NSL1: variants seen among roughly 807,000 people sequenced by gnomAD.
NSL1 encodes the protein kinetochore-associated protein NSL1 homolog.
In NSL1, 11 loss-of-function variants were observed where a neutral mutation model predicts 25.4. That is an observed-to-expected ratio of 0.43 (90% confidence interval 0.27 to 0.72). NSL1 has a LOEUF of 0.72. Ranked by LOEUF, NSL1 falls within the 30% of genes least tolerant of loss-of-function variation. The pLI is 0.19. For missense variants in NSL1, 330 were observed against 342.7 expected, an observed-to-expected ratio of 0.96 and a Z score of 0.29; for synonymous variants, 118 against 120.6, an observed-to-expected ratio of 0.98 and a Z score of 0.14.
chr1:212,772,997 C>T (rs1044159529), intron 4 of NSL1, among the ~76,000 whole-genome samples: 2 of 152,084 alleles, frequency 1.3e-5, no homozygotes, highest in Non-Finnish European at 2.9e-5. Context: ...TCCATATGCA[C>T]AAGAATAAAA....
At position 212,728,780 on chromosome 1, in the gene NSL1, C is replaced by T; in HGVS notation, c.*9628G>A. On this transcript the variant is annotated 3_prime_UTR_variant, in exon 6 of 6. Transcript: ENST00000366977. Reference sequence around the variant, plus strand: ...TGTTGCCACATCTCGCAGCTTCTCCCTTCTGTTTTTCCTCTCACTCTGACT... The same window carrying T: ...TGTTGCCACATCTCGCAGCTTCTCCTTTCTGTTTTTCCTCTCACTCTGACT... The T allele has an allele frequency of 1.0e-6, 1 of 985,422 alleles. No homozygotes were observed. Among genetic ancestry groups the T allele is most frequent in the Non-Finnish European group, 1.2e-6 (1 of 829,926 alleles). The allele number at this position is 985,422 out of a possible 1,614,324, so 61.0% of individuals were successfully genotyped here.
intron 4 of NSL1, among the ~76,000 whole-genome samples, chr1:212,764,764 T>G (rs1370866605): frequency 7.1e-6 from 1 of 141,604 alleles, no homozygotes; most frequent in Non-Finnish European, 1.5e-5. Flanking sequence ...GAGAATTGCT[T>G]GAACTTGGGA....
At chr1:212,758,329 A>G (rs2102450892) in intron 4 of NSL1, among the ~76,000 whole-genome samples, 1 of 152,358 alleles carries the variant, frequency 6.6e-6, no homozygotes, top group East Asian at 1.9e-4. Flanking sequence ...TCAACAATGA[A>G]TGTCAGGCAT....
chr1:212,770,655 A>C (rs187647105), intron 4 of NSL1, among the ~76,000 whole-genome samples: 2 of 152,360 alleles, frequency 1.3e-5, no homozygotes, highest in East Asian at 3.9e-4. Context: ...AAACTATTCC[A>C]AAAACCTCAA....
intron 1 of NSL1, among the ~76,000 whole-genome samples, chr1:212,788,321 G>A (rs1317775694): frequency 6.6e-6 from 1 of 152,228 alleles, no homozygotes; most frequent in African/African-American, 2.4e-5. Flanking sequence ...GCTGAGGCTA[G>A]AGGATTACTT....
rs889979106 is a variant in NSL1 at position 212,733,072 on chromosome 1, A to G, written c.*5336T>C. On this transcript the variant is annotated 3_prime_UTR_variant, in exon 6 of 6. Transcript: ENST00000366977. ...CTCACCCTTTTAAACTGTATTGTTC[A>G]ATGGTTTTCAGTATATTCAACAAGC... is the stretch of plus-strand genomic sequence containing the variant. Among the ~76,000 whole-genome samples the G allele has an allele frequency of 2.0e-5, 3 of 152,146 alleles. No individual in the cohort carries two copies. The highest frequency in any genetic ancestry group is 2.9e-5 in the Non-Finnish European group (2 of 68,032).
intron 4 of NSL1, among the ~76,000 whole-genome samples, chr1:212,777,371 C>CAA (rs1021193682): frequency 3.8e-5 from 5 of 131,678 alleles, no homozygotes; most frequent in East Asian, 4.2e-4. Flanking sequence ...CAGCCTGCCT[C>CAA]AAAAAAAAAA....
rs1236134582 is a variant in NSL1 at position 212,731,623 on chromosome 1, CCA to C, written c.*6783_*6784del. On this transcript the variant is annotated 3_prime_UTR_variant, in exon 6 of 6. Coordinates refer to ENST00000366977, the MANE Select transcript of NSL1 (RefSeq NM_015471.4). Reference sequence around the variant, plus strand: ...GCCCAGTTCCCCCACCTAAGTTCATCCACAGAGTTAATACTTCCCACTTCGTC... The same window carrying C: ...GCCCAGTTCCCCCACCTAAGTTCATCCAGAGTTAATACTTCCCACTTCGTC... The C allele has an allele frequency of 1.2e-5, 12 of 985,426 alleles. No individual in the cohort carries two copies. The highest frequency in any genetic ancestry group is 1.1e-4 in the East Asian group (1 of 8,820). The allele number at this position is 985,426 out of a possible 1,614,324, so 61.0% of individuals were successfully genotyped here.
intron 4 of NSL1, among the ~76,000 whole-genome samples, chr1:212,769,483 A>C (rs1659997804): frequency 1.3e-5 from 2 of 152,220 alleles, no homozygotes; most frequent in South Asian, 4.1e-4. Context: ...TGAAAGAAAA[A>C]AACCTGTCAG....
rs1658346681 is a variant in NSL1, at chr1:212,738,598, T to A, written c.656A>T (p.Glu219Val). 6.2e-7 allele frequency: 1 copy of A among 1,614,046 alleles called. No individual in the cohort carries two copies. Among genetic ancestry groups the A allele is most frequent in the African/African-American group, 1.3e-5 (1 of 74,922 alleles). ...TTTCCTATGACAACTGGAAAAGACT[T>A]CTTGGTGAATCCTCTGGAGGTGGAT... The part of the protein sequence containing the change: ...PVIHLQRIHQ[E>V]VFSSCHRKPD... The change falls in exon 6 of 6, where the codon GAA becomes GTA. Residue 219 changes from glutamate (E) to valine (V), a missense_variant. Glu to Val is a moderately radical substitution (Grantham distance 121, BLOSUM62 -2). Transcript: ENST00000366977.
chr1:212,784,966 T>C (rs1660882777), intron 2 of NSL1, among the ~76,000 whole-genome samples: 3 of 152,218 alleles, frequency 2.0e-5, no homozygotes, highest in Admixed American at 1.3e-4. Context: ...AGAAGCATTT[T>C]AGGCAGTGGA....
At chr1:212,765,952 C>A (rs1252866755) in intron 4 of NSL1, among the ~76,000 whole-genome samples, 2 of 151,732 alleles carry the variant, frequency 1.3e-5, no homozygotes, top group Admixed American at 6.6e-5. Flanking sequence ...CTGGCCAACA[C>A]GGTGAAACCC....
chr1:212,731,092 C>G lies in NSL1; in HGVS notation c.*7316G>C. The G allele has an allele frequency of 1.0e-6, 1 of 984,756 alleles. No individual in the cohort carries two copies. Among genetic ancestry groups the G allele is most frequent in the Non-Finnish European group, 1.2e-6 (1 of 829,646 alleles). The allele number at this position is 984,756 out of a possible 1,614,324, so 61.0% of individuals were successfully genotyped here. A position where few individuals can be genotyped will look rare whatever the true frequency, so the allele number is the denominator to read the frequency against. On this transcript the variant is annotated 3_prime_UTR_variant, in exon 6 of 6. Coordinates refer to ENST00000366977, the MANE Select transcript of NSL1 (RefSeq NM_015471.4). ...CTCAAATCCTTTCATATAAAATCCC[C>G]AAGAACCCCCTTCAGTGGTTCTCTA...
chr1:212,762,859 C>G (rs554399899), intron 4 of NSL1, among the ~76,000 whole-genome samples: 2 of 152,260 alleles, frequency 1.3e-5, no homozygotes, highest in East Asian at 3.9e-4. Context: ...TAGGGGCCCT[C>G]GAAGAAGCAG....
rs1657947484 is a variant in NSL1, at chr1:212,730,026, G to A, written c.*8382C>T. On this transcript the variant is annotated 3_prime_UTR_variant, in exon 6 of 6. Coordinates refer to ENST00000366977, the MANE Select transcript of NSL1 (RefSeq NM_015471.4). ...AGCACTTTGGGAGGCCAGGGCGAGT[G>A]GATCACCTGAGGTCAGGAGTTCGAG... 1.5e-5 allele frequency: 14 copies of A among 963,786 alleles called. No individual in the cohort carries two copies. Among genetic ancestry groups the A allele is most frequent in the South Asian group, 4.8e-5 (1 of 20,818 alleles). 59.7% of individuals were successfully genotyped at this position (963,786 alleles called of 1,614,324 possible). A position where few individuals can be genotyped will look rare whatever the true frequency, so the allele number is the denominator to read the frequency against.
intron 4 of NSL1, among the ~76,000 whole-genome samples, chr1:212,748,813 T>C (rs1434787776): frequency 6.6e-6 from 1 of 152,188 alleles, no homozygotes; most frequent in African/African-American, 2.4e-5. Context: ...TTTCAAATAA[T>C]ATGTTCAATA....
In NSL1 at chr1:212,729,553, T is replaced by C; in HGVS notation, c.*8855A>G. ...GCCCTACAACTTTGCCCATTTTTAT[T>C]ATTCTGCCAGTGTCATCCCCTCATT... On this transcript the variant is annotated 3_prime_UTR_variant, in exon 6 of 6. Transcript: ENST00000366977. 1 of 985,436 alleles carries C rather than the reference T, an allele frequency of 1.0e-6. No homozygotes were observed. The highest frequency in any genetic ancestry group is 1.2e-6 in the Non-Finnish European group (1 of 829,922). 61.0% of individuals were successfully genotyped at this position (985,436 alleles called of 1,614,324 possible).
intron 3 of NSL1, among the ~76,000 whole-genome samples, chr1:212,783,342 A>G (rs1367861778): frequency 1.3e-5 from 2 of 151,788 alleles, no homozygotes; most frequent in African/African-American, 4.8e-5. Flanking sequence ...TGAAAAATAC[A>G]CTTTCAATGT....
At chr1:212,751,573 A>AC (rs1558045447) in intron 4 of NSL1, among the ~76,000 whole-genome samples, 2 of 152,242 alleles carry the variant, frequency 1.3e-5, no homozygotes, top group African/African-American at 4.8e-5. Flanking sequence ...TGCCTGGTAA[A>AC]GAACTAAAAC....
Sources: allele counts gnomAD v4.1 joint callset (sites outside exome capture counted in the v4.1 genomes callset), GRCh38; gene constraint gnomAD v4.1.1; transcripts MANE v1.5; gene names NCBI Gene and HGNC (gene_info 2026-07-23, HGNC 2026-07-21).